The following RBFOX1 variants were observed in gnomAD, a reference collection of about 807,000 sequenced individuals.
The protein encoded by RBFOX1 is RNA binding fox-1 homolog 1, also known as RNA binding protein fox-1 homolog 1.
In RBFOX1, 8 loss-of-function variants were observed where a neutral mutation model predicts 57.7. The observed-to-expected ratio is 0.14, with a 90% CI of 0.08 to 0.25. The LOEUF is 0.25. Among genes scored for constraint, RBFOX1 ranks in the 10% least tolerant of loss-of-function variants. The pLI, the probability that RBFOX1 is intolerant of heterozygous loss-of-function variation, is 1.00. For synonymous variants in RBFOX1, 326 were observed against 222.4 expected (o/e 1.47, Z -4.15); for missense variants, 611 against 548.5 (o/e 1.11, Z -1.14).
chr16:5,673,516 G>A (rs190757035), intron 3 of RBFOX1, among the ~76,000 whole-genome samples: 77 of 152,290 alleles, frequency 5.1e-4, no homozygotes, highest in Middle Eastern at 3.4e-3. Flanking sequence ...GCAGGGTCTC[G>A]CTTGGCACCT....
chr16:7,519,729 C>T, intron 5 of RBFOX1: 2 of 984,764 alleles, frequency 2.0e-6, no homozygotes, highest in East Asian at 1.1e-4. Flanking sequence ...AATTCTGCCT[C>T]TTCGTCCTGT....
At chr16:6,861,893 G>C (rs370920928) in intron 3 of RBFOX1, among the ~76,000 whole-genome samples, 1 of 123,538 alleles carries the variant, frequency 8.1e-6, no homozygotes, top group African/African-American at 3.2e-5. Flanking sequence ...CAGAAATGTC[G>C]TTAACATTAA....
chr16:6,829,053 A>G (rs2092473057), intron 3 of RBFOX1, among the ~76,000 whole-genome samples: 1 of 152,098 alleles, frequency 6.6e-6, no homozygotes, highest in African/African-American at 2.4e-5. Context: ...AAGAGCCTGG[A>G]CACCTGCCGG....
intron 4 of RBFOX1, among the ~76,000 whole-genome samples, chr16:5,881,780 C>G (rs535513598): frequency 6.6e-6 from 1 of 152,284 alleles, no homozygotes; most frequent in East Asian, 1.9e-4. Context: ...CACTATTTCA[C>G]TTAATTCTGC....
chr16:5,709,637 C>T (rs939577526), intron 3 of RBFOX1, among the ~76,000 whole-genome samples: 1 of 150,506 alleles, frequency 6.6e-6, no homozygotes, highest in African/African-American at 2.5e-5. Flanking sequence ...AGGCACTTGT[C>T]TTGCTGCATT....
At chr16:5,456,640 A>G (rs1257866203) in intron 1 of RBFOX1, among the ~76,000 whole-genome samples, 3 of 152,158 alleles carry the variant, frequency 2.0e-5, no homozygotes, top group Non-Finnish European at 4.4e-5. Context: ...AAGTCAGTGT[A>G]TGAAATATTT....
At chr16:6,352,269 A>G (rs959982073) in intron 2 of RBFOX1, among the ~76,000 whole-genome samples, 1 of 152,102 alleles carries the variant, frequency 6.6e-6, no homozygotes, top group Non-Finnish European at 1.5e-5. Flanking sequence ...TATAAATGCT[A>G]TTTAGGCAGG....
chr16:7,320,275 G>C (rs1413432394), intron 4 of RBFOX1, among the ~76,000 whole-genome samples: 1 of 151,756 alleles, frequency 6.6e-6, no homozygotes, highest in African/African-American at 2.4e-5. Context: ...TTCCCTCCCT[G>C]TATCCATGTG....
intron 12 of RBFOX1, among the ~76,000 whole-genome samples, chr16:7,661,222 A>G (rs189508877): frequency 1.8e-3 from 274 of 152,298 alleles, no homozygotes; most frequent in African/African-American, 6.3e-3. Context: ...AAGATAGATC[A>G]CTCGTCCTTT....
At chr16:6,321,936 C>T (rs1252479563) in intron 2 of RBFOX1, among the ~76,000 whole-genome samples, 1 of 152,148 alleles carries the variant, frequency 6.6e-6, no homozygotes, top group Non-Finnish European at 1.5e-5. Context: ...TATACATCTT[C>T]ACTCATTTCT....
chr16:6,382,941 C>T (rs2091946970), intron 2 of RBFOX1, among the ~76,000 whole-genome samples: 1 of 152,154 alleles, frequency 6.6e-6, no homozygotes, highest in Non-Finnish European at 1.5e-5. Context: ...CACAATAGAC[C>T]AGGAAGCTCT....
In RBFOX1 at chr16:5,907,019, G is replaced by A. The variant is rs1040003376; in HGVS notation, c.351+39684G>A. ...CCCAAAGTGCTGGGATTACAGGCAT[G>A]AGCCACTGTGCCCGGCCCATCTGGG... On this transcript the variant is annotated intron_variant, in intron 4 of 19. Coordinates refer to the RBFOX1 transcript ENST00000641259. Among the ~76,000 whole-genome samples, 5 of 151,790 alleles carry A rather than the reference G, an allele frequency of 3.3e-5. No individual in the cohort carries two copies. In the East Asian group the frequency reaches 7.7e-4, roughly 23 times the overall value.
chr16:6,305,023 G>A (rs2079316493), intron 1 of RBFOX1, among the ~76,000 whole-genome samples: 1 of 152,208 alleles, frequency 6.6e-6, no homozygotes, highest in Non-Finnish European at 1.5e-5. Flanking sequence ...GGGAAGGGGT[G>A]ATGCATGGTA....
intron 1 of RBFOX1, among the ~76,000 whole-genome samples, chr16:5,280,778 G>A (rs1269203011): frequency 1.3e-5 from 2 of 149,646 alleles, no homozygotes; most frequent in East Asian, 1.9e-4. Context: ...CAGTTGTAAC[G>A]TCTCCTTTTT....
rs140091359 is a variant in RBFOX1 at position 6,734,374 on chromosome 16, C to T, written c.-16+79724C>T. Among the ~76,000 whole-genome samples, 1,393 of 152,284 alleles carry T rather than the reference C, an allele frequency of 9.1e-3. 6 individuals carry two copies. The highest frequency in any genetic ancestry group is 0.015 in the Non-Finnish European group (1,017 of 68,030). ...ATTCACAAGATTGCTAATCATTGAT[C>T]GTAACAGCTCTAATTTACTGAACAC... On this transcript the variant is annotated intron_variant, in intron 3 of 15. Transcript: ENST00000550418.
intron 3 of RBFOX1, among the ~76,000 whole-genome samples, chr16:6,914,148 A>C (rs1254237410): frequency 8.5e-5 from 13 of 152,240 alleles, no homozygotes; most frequent in Admixed American, 7.9e-4. Flanking sequence ...AAATACGAAC[A>C]TAATGAGTGC....
chr16:6,484,028 G>C (rs115617553), intron 2 of RBFOX1: 1 of 796,910 alleles, frequency 1.3e-6, no homozygotes, highest in East Asian at 1.2e-4. Flanking sequence ...GGGGCGTTTA[G>C]AGGGATTGGG....
intron 3 of RBFOX1, among the ~76,000 whole-genome samples, chr16:7,027,665 C>G (rs959541296): frequency 1.2e-4 from 18 of 152,172 alleles, no homozygotes; most frequent in African/African-American, 4.1e-4. Context: ...TTTCAAAAGA[C>G]ATGGCAGGGA....
chr16:6,997,821 C>A (rs992127613), intron 3 of RBFOX1, among the ~76,000 whole-genome samples: 11 of 152,054 alleles, frequency 7.2e-5, no homozygotes, highest in African/African-American at 2.7e-4. Context: ...TCTGTTAGTG[C>A]AAATAATTTG....
Sources: allele counts gnomAD v4.1 joint callset (sites outside exome capture counted in the v4.1 genomes callset), GRCh38; gene constraint gnomAD v4.1.1; transcripts MANE v1.5; gene names NCBI Gene and HGNC (gene_info 2026-07-23, HGNC 2026-07-21).